The following MAPKAPK5 variants were observed in gnomAD, a reference collection of about 807,000 sequenced individuals.
MAPKAPK5 encodes MAP kinase-activated protein kinase 5.
MAPKAPK5 carries 30 observed loss-of-function variants against 65.1 expected under a neutral mutation model. The observed-to-expected ratio is 0.46, with a 90% CI of 0.34 to 0.63. The LOEUF is 0.63. Among genes scored for constraint, MAPKAPK5 ranks in the 20% least tolerant of loss-of-function variants. The pLI, the probability that MAPKAPK5 is intolerant of heterozygous loss-of-function variation, is 0.01. For synonymous variants in MAPKAPK5, 179 were observed against 204.6 expected, an observed-to-expected ratio of 0.87 and a Z score of 1.07; for missense variants, 433 against 581.4, an observed-to-expected ratio of 0.74 and a Z score of 2.63.
intron 1 of MAPKAPK5, 64 bp from the exon 2 acceptor site, chr12:111,865,186 C>A: frequency 9.8e-7 from 1 of 1,021,822 alleles, no homozygotes. Context: ...TGTCCCATCT[C>A]TGCTTATTCA....
chr12:111,843,898 C>T (rs748564746), intron 1 of MAPKAPK5, among the ~76,000 whole-genome samples: 3 of 152,112 alleles, frequency 2.0e-5, no homozygotes, highest in Non-Finnish European at 2.9e-5. Flanking sequence ...CTGCAAGTTC[C>T]GCCTCCTGGG....
At chr12:111,858,153 C>G (rs986363345) in intron 1 of MAPKAPK5, among the ~76,000 whole-genome samples, 7 of 152,190 alleles carry the variant, frequency 4.6e-5, no homozygotes, top group African/African-American at 1.7e-4. Context: ...GATCCTCACC[C>G]TGCAGCCTCC....
chr12:111,856,116 A>G (rs1162533209), intron 1 of MAPKAPK5, among the ~76,000 whole-genome samples: 1 of 151,964 alleles, frequency 6.6e-6, no homozygotes, highest in African/African-American at 2.4e-5. Flanking sequence ...TGGCCTCCCA[A>G]AGTGCTGGGA....
intron 2 of MAPKAPK5, 124 bp downstream of exon 2, chr12:111,865,447 T>G: frequency 1.4e-6 from 1 of 693,934 alleles, no homozygotes; most frequent in South Asian, 1.7e-5. Context: ...TAGGCTGAAT[T>G]TAACAAGTAC....
In MAPKAPK5 at chr12:111,900,337, T is replaced by C. The variant is rs1385706687; in HGVS notation, c.*7276T>C. The C allele has an allele frequency of 2.2e-6, 1 of 455,998 alleles. No homozygotes were observed. The highest frequency in any genetic ancestry group is 2.3e-5 in the Admixed American group (1 of 42,560). 28.2% of individuals were successfully genotyped at this position (455,998 alleles called of 1,614,324 possible). A position where few individuals can be genotyped will look rare whatever the true frequency, so the allele number is the denominator to read the frequency against. On this transcript the variant is annotated 3_prime_UTR_variant, in exon 14 of 14. Transcript: ENST00000550735. ...GAATCCTTCCATCATGAAGATGTGC[T>C]GTTGTTTGCAGCCCTGATGGCCCAT...
intron 1 of MAPKAPK5, among the ~76,000 whole-genome samples, chr12:111,857,888 T>TG (rs1427567962): frequency 1.3e-5 from 2 of 151,728 alleles, no homozygotes; most frequent in African/African-American, 4.8e-5. Flanking sequence ...AGTGTTTTTT[T>TG]TTGTGTGTGT....
intron 1 of MAPKAPK5, among the ~76,000 whole-genome samples, chr12:111,848,990 C>T (rs1400385273): frequency 1.3e-5 from 2 of 152,154 alleles, no homozygotes; most frequent in Non-Finnish European, 2.9e-5. Flanking sequence ...TCTCGTACTT[C>T]TGACCTCAAG....
chr12:111,878,737 G>A (rs2070086168), intron 7 of MAPKAPK5, among the ~76,000 whole-genome samples: 1 of 151,988 alleles, frequency 6.6e-6, no homozygotes, highest in African/African-American at 2.4e-5. Context: ...TATCTTTTAA[G>A]CCCCACCCTC....
At chr12:111,890,468 C>T (rs1434997711) in intron 13 of MAPKAPK5, among the ~76,000 whole-genome samples, 1 of 152,160 alleles carries the variant, frequency 6.6e-6, no homozygotes, top group African/African-American at 2.4e-5. Context: ...GGACTATTCA[C>T]CAGGTCATTA....
intron 1 of MAPKAPK5, 41 bp downstream of exon 1, chr12:111,842,810 G>A: frequency 7.7e-7 from 1 of 1,299,288 alleles, no homozygotes; most frequent in Non-Finnish European, 9.9e-7. Flanking sequence ...GTTGTCCTGT[G>A]GCGTTCTTCT....
At position 111,897,272 on chromosome 12, in the gene MAPKAPK5, TAA is replaced by T. The variant is rs1238564571; in HGVS notation, c.*4215_*4216del. Reference sequence around the variant, plus strand: ...ACTGTGCCTGGCAGGAATTACTCTTTAAAAAGAGTTTATGTTGCTTGTATTCA... The same window carrying T: ...ACTGTGCCTGGCAGGAATTACTCTTTAAAGAGTTTATGTTGCTTGTATTCA... On this transcript the variant is annotated 3_prime_UTR_variant, in exon 14 of 14. Coordinates refer to ENST00000550735, the MANE Select transcript of MAPKAPK5 (RefSeq NM_003668.4). The T allele has an allele frequency of 6.6e-6, 1 of 152,178 alleles. No homozygotes were observed. Among genetic ancestry groups the T allele is most frequent in the Non-Finnish European group, 1.5e-5 (1 of 68,046 alleles). The allele number at this position is 152,178 out of a possible 1,614,324, so 9.4% of individuals were successfully genotyped here. A position where few individuals can be genotyped will look rare whatever the true frequency, so the allele number is the denominator to read the frequency against.
At chr12:111,868,689 G>GA in intron 4 of MAPKAPK5, 64 bp from the exon 5 acceptor site, 1 of 1,255,722 alleles carries the variant, frequency 8.0e-7, no homozygotes, top group Non-Finnish European at 1.1e-6. Flanking sequence ...TAATGTTTCA[G>GA]GGTTTTTTGT....
chr12:111,889,259 T>C, intron 12 of MAPKAPK5: 1 of 393,036 alleles, frequency 2.5e-6, no homozygotes. Context: ...TAATTGGCAG[T>C]GTCAGGTGCA....
chr12:111,866,989 C>T (rs2069636110), intron 3 of MAPKAPK5, among the ~76,000 whole-genome samples: 2 of 152,152 alleles, frequency 1.3e-5, no homozygotes, highest in African/African-American at 4.8e-5. Context: ...AATGCAGTGG[C>T]ACGATCATGG....
At chr12:111,860,689 T>G (rs549234083) in intron 1 of MAPKAPK5, among the ~76,000 whole-genome samples, 1 of 152,180 alleles carries the variant, frequency 6.6e-6, no homozygotes, top group Non-Finnish European at 1.5e-5. Context: ...GCTAGAAAGC[T>G]TACTATTTTT....
At chr12:111,880,311 T>C in intron 7 of MAPKAPK5, 136 bp from the exon 8 acceptor site, 2 of 695,826 alleles carry the variant, frequency 2.9e-6, no homozygotes, top group South Asian at 3.3e-5. Flanking sequence ...GGAAGTGTAG[T>C]GTTTATGTGG....
chr12:111,863,802 C>G (rs191887657), intron 1 of MAPKAPK5, among the ~76,000 whole-genome samples: 2 of 151,846 alleles, frequency 1.3e-5, no homozygotes, highest in African/African-American at 4.8e-5. Flanking sequence ...GATGGGGATT[C>G]TCCATGTTGG....
At chr12:111,871,794 A>G (rs1216634938) in intron 7 of MAPKAPK5, among the ~76,000 whole-genome samples, 2 of 152,242 alleles carry the variant, frequency 1.3e-5, no homozygotes, top group African/African-American at 4.8e-5. Flanking sequence ...AAGATGTGGA[A>G]CACGCCCCTC....
At chr12:111,881,660 C>T (rs1323473598) in intron 8 of MAPKAPK5, among the ~76,000 whole-genome samples, 1 of 152,092 alleles carries the variant, frequency 6.6e-6, no homozygotes, top group Non-Finnish European at 1.5e-5. Flanking sequence ...CTCGCCTCGG[C>T]CTCACAAAGA....
Sources: allele counts gnomAD v4.1 joint callset (sites outside exome capture counted in the v4.1 genomes callset), GRCh38; gene constraint gnomAD v4.1.1; transcripts MANE v1.5; gene names NCBI Gene and HGNC (gene_info 2026-07-23, HGNC 2026-07-21).